Variants in RIC1 observed in about 807,000 individuals in gnomAD.
RIC1 encodes the protein guanine nucleotide exchange factor subunit RIC1.
A neutral mutation model predicts 169.0 loss-of-function variants in RIC1; 88 were observed. That is an observed-to-expected ratio of 0.52 (90% CI 0.44 to 0.62). The LOEUF is 0.62. RIC1 is among the 20% of genes least tolerant of loss of function. RIC1 has a pLI of 0.00. For synonymous variants in RIC1, 790 were observed against 601.5 expected, an observed-to-expected ratio of 1.31 and a Z score of -4.59; for missense variants, 1,877 against 1,725.5, an observed-to-expected ratio of 1.09 and a Z score of -1.56.
intron 3 of RIC1, among the ~76,000 whole-genome samples, chr9:5,694,903 T>C (rs1011247653): frequency 2.0e-5 from 3 of 152,106 alleles, no homozygotes; most frequent in African/African-American, 7.2e-5. Flanking sequence ...TTAAAAAGTA[T>C]TGAATTTTGT....
At chr9:5,692,952 T>C (rs1269349882) in intron 3 of RIC1, among the ~76,000 whole-genome samples, 1 of 152,082 alleles carries the variant, frequency 6.6e-6, no homozygotes, top group African/African-American at 2.4e-5. Context: ...AACTCACCCA[T>C]AGTCACACGC....
intron 23 of RIC1, among the ~76,000 whole-genome samples, chr9:5,771,660 C>G (rs557127927): frequency 6.6e-6 from 1 of 152,256 alleles, no homozygotes; most frequent in Non-Finnish European, 1.5e-5. Flanking sequence ...TCTATTTTCT[C>G]CACATCTCAC....
intron 2 of RIC1, among the ~76,000 whole-genome samples, chr9:5,660,911 C>T (rs568656672): frequency 3.0e-4 from 45 of 152,256 alleles, no homozygotes; most frequent in African/African-American, 3.1e-4. Flanking sequence ...TCATCCTTGT[C>T]GTGAAATCTC....
Position 5,763,971 on chromosome 9 carries a change from A to G in RIC1, c.2841+103A>G. Reference sequence around the variant, plus strand: ...CCATGATTGTGTTTAAGGAATTCATAGTCAAATTTTCTGTTTATATCTTTA... The same window carrying G: ...CCATGATTGTGTTTAAGGAATTCATGGTCAAATTTTCTGTTTATATCTTTA... On this transcript the variant is annotated intron_variant, in intron 19 of 25. Coordinates refer to ENST00000414202, the MANE Select transcript of RIC1 (RefSeq NM_020829.4). The surrounding 1 kb of genome is among the most constrained non-coding windows in gnomAD (Gnocchi z 5.2). The G allele has an allele frequency of 7.6e-7, 1 of 1,312,902 alleles. No homozygotes were observed. Among genetic ancestry groups the G allele is most frequent in the Non-Finnish European group, 1.0e-6 (1 of 958,876 alleles). 81.3% of individuals were successfully genotyped at this position (1,312,902 alleles called of 1,614,324 possible). A position where few individuals can be genotyped will look rare whatever the true frequency, so the allele number is the denominator to read the frequency against.
intron 2 of RIC1, among the ~76,000 whole-genome samples, chr9:5,678,872 G>A (rs1820623097): frequency 6.6e-6 from 1 of 151,884 alleles, no homozygotes; most frequent in Non-Finnish European, 1.5e-5. Context: ...GTCAATTTTG[G>A]CTTTTGTTGC....
At chr9:5,723,020 T>A (rs1478958975) in intron 6 of RIC1, among the ~76,000 whole-genome samples, 4 of 152,242 alleles carry the variant, frequency 2.6e-5, no homozygotes, top group Non-Finnish European at 4.4e-5. Context: ...TAAACATACA[T>A]GTGCGTGTGT....
Position 5,776,106 on chromosome 9 carries a change from T to C in RIC1, c.*1860T>C, listed in dbSNP as rs1827568068. 1 of 152,196 alleles carries C rather than the reference T, an allele frequency of 6.6e-6. No individual in the cohort carries two copies. Among genetic ancestry groups the C allele is most frequent in the Admixed American group, 6.5e-5 (1 of 15,278 alleles). The allele number at this position is 152,196 out of a possible 1,614,324, so 9.4% of individuals were successfully genotyped here. A position where few individuals can be genotyped will look rare whatever the true frequency, so the allele number is the denominator to read the frequency against. ...TATCTGAAATAAAACACTGTGCTGC[T>C]GAGTTCATCTCAAACATTCTTGAAA... On this transcript the variant is annotated 3_prime_UTR_variant, in exon 26 of 26. Transcript: ENST00000414202.
At chr9:5,691,272 A>G (rs999122521) in intron 3 of RIC1, among the ~76,000 whole-genome samples, 1 of 151,972 alleles carries the variant, frequency 6.6e-6, no homozygotes, top group Non-Finnish European at 1.5e-5. Flanking sequence ...CAAGTCATCT[A>G]AAGACAAAAT....
Position 5,642,431 on chromosome 9 carries a change from A to T in RIC1, c.144+12978A>T, listed in dbSNP as rs1818297947. On this transcript the variant is annotated intron_variant, in intron 1 of 25. Transcript: ENST00000414202. ...TGTTCACTCAAGGCCCTAAGGCTCT[A>T]CCATCAGCAGGTGGTGAAGCCAGCC... 1.4e-5 allele frequency among the ~76,000 whole-genome samples: 2 copies of T among 145,210 alleles called. 1 individual carries two copies. The highest frequency in any genetic ancestry group is 6.9e-3 in the Middle Eastern group (2 of 290).
chr9:5,659,580 T>G (rs1477673661), intron 2 of RIC1, among the ~76,000 whole-genome samples: 2 of 152,180 alleles, frequency 1.3e-5, no homozygotes, highest in African/African-American at 4.8e-5. Flanking sequence ...GGGAATTTGG[T>G]AGAGACTGCA....
intron 25 of RIC1, 114 bp from the exon 26 acceptor site, chr9:5,773,844 T>C (rs958604640): frequency 1.0e-5 from 10 of 1,003,506 alleles, no homozygotes; most frequent in Middle Eastern, 2.8e-4. Context: ...CTCTCTCCCC[T>C]CCTAATCTAT....
rs544986543 is a variant in RIC1 at position 5,772,811 on chromosome 9, A to G, written c.3794+70A>G. The G allele has an allele frequency of 1.3e-5, 20 of 1,546,244 alleles. 2 individuals are homozygous for G. Among genetic ancestry groups the G allele is most frequent in the South Asian group, 1.1e-4 (9 of 82,714 alleles). On this transcript the variant is annotated intron_variant, in intron 24 of 25. Coordinates refer to ENST00000414202, the MANE Select transcript of RIC1 (RefSeq NM_020829.4). ...TATTTGGGCAAATAGGTATGGGGCTACTCTCCTAATAATCATTGCACTTCT... is the reference window on the plus strand; with the variant it reads ...TATTTGGGCAAATAGGTATGGGGCTGCTCTCCTAATAATCATTGCACTTCT...
chr9:5,756,337 A>G lies in RIC1; in HGVS notation c.1818A>G (p.Ser606=), dbSNP rs750160543. ...DMVIVFRADC[S]ICLYSIERKS... ...TAATAGTATTTAGAGCAGACTGTTC[A>G]ATATGCCTTTACAGTATTGAAAGAA... The change falls in exon 16 of 26, where the codon TCA becomes TCG. Residue 606 remains serine (S), a synonymous_variant. Coordinates refer to ENST00000414202, the MANE Select transcript of RIC1 (RefSeq NM_020829.4). 1.9e-6 allele frequency: 3 copies of G among 1,563,098 alleles called. No individual in the cohort carries two copies. The highest frequency in any genetic ancestry group is 3.5e-5 in the Admixed American group (2 of 56,860).
chr9:5,697,403 T>G (rs1475701568), intron 3 of RIC1, among the ~76,000 whole-genome samples: 1 of 152,168 alleles, frequency 6.6e-6, no homozygotes, highest in Non-Finnish European at 1.5e-5. Flanking sequence ...GTTGATCTAT[T>G]TTGTCCAGTT....
intron 17 of RIC1, among the ~76,000 whole-genome samples, chr9:5,761,915 A>G (rs1418508872): frequency 6.6e-6 from 1 of 152,232 alleles, no homozygotes; most frequent in African/African-American, 2.4e-5. Context: ...GTCAACACCC[A>G]TGAAATCTGC....
intron 1 of RIC1, among the ~76,000 whole-genome samples, chr9:5,642,414 C>G: frequency 6.9e-6 from 1 of 144,958 alleles, no homozygotes; most frequent in East Asian, 1.9e-4. Context: ...TATGTTCACT[C>G]AAGGCCCTAA....
chr9:5,690,196 T>G (rs911829037), intron 3 of RIC1, among the ~76,000 whole-genome samples, 158 bp downstream of exon 3: 14 of 152,152 alleles, frequency 9.2e-5, no homozygotes, highest in African/African-American at 3.4e-4. Flanking sequence ...AACTGTCATT[T>G]CTTGAATAAA....
At chr9:5,764,493 T>A (rs942717268) in intron 19 of RIC1, among the ~76,000 whole-genome samples, 3 of 152,256 alleles carry the variant, frequency 2.0e-5, no homozygotes, top group South Asian at 2.1e-4. Flanking sequence ...GACAGTTGGT[T>A]ATTTGATAGG....
chr9:5,769,911 AC>A (rs1235108685), intron 22 of RIC1, among the ~76,000 whole-genome samples, 175 bp from the exon 23 acceptor site: 2 of 152,240 alleles, frequency 1.3e-5, no homozygotes, highest in Admixed American at 6.5e-5. Flanking sequence ...GTCCATTGTT[AC>A]ACAATCCCAT....
Sources: gnomAD v4.1 joint callset for allele counts (sites outside exome capture counted in the v4.1 genomes callset) on GRCh38, gnomAD v4.1.1 for gene constraint, Gnocchi (gnomAD v3.1) non-coding constraint, MANE v1.5 for transcripts, NCBI Gene and HGNC (gene_info 2026-07-23, HGNC 2026-07-21) for gene names.